Variants in ROBO2 observed in about 807,000 individuals in gnomAD.
ROBO2 encodes the protein roundabout homolog 2.
In ROBO2, 53 loss-of-function variants were observed where a neutral mutation model predicts 160.8. The observed-to-expected ratio is 0.33, with a 90% CI of 0.26 to 0.41. The LOEUF (loss-of-function observed/expected upper bound fraction) is 0.41. ROBO2 is among the 10% of genes least tolerant of loss of function. The probability of loss-of-function intolerance (pLI) is 1.00; values close to 1 mark genes in which losing one functional copy is unlikely to be tolerated. For missense variants in ROBO2, 1,577 were observed against 1,722.4 expected, an observed-to-expected ratio of 0.92 and a Z score of 1.49; for synonymous variants, 664 against 611.7, an observed-to-expected ratio of 1.09 and a Z score of -1.26.
At chr3:76,263,962 C>T (rs976703369) in intron 2 of ROBO2, among the ~76,000 whole-genome samples, 2 of 152,094 alleles carry the variant, frequency 1.3e-5, no homozygotes, top group African/African-American at 2.4e-5. Context: ...AGCAAACTAA[C>T]ATAGGAACAG....
intron 2 of ROBO2, among the ~76,000 whole-genome samples, chr3:77,311,968 C>T (rs779029545): frequency 2.7e-4 from 41 of 152,024 alleles, no homozygotes; most frequent in Non-Finnish European, 2.9e-4. Flanking sequence ...TACCTGTAAT[C>T]CCAGCTACTG....
intron 2 of ROBO2, among the ~76,000 whole-genome samples, chr3:76,665,198 A>G (rs1005540595): frequency 6.6e-6 from 1 of 152,128 alleles, no homozygotes; most frequent in East Asian, 1.9e-4. Flanking sequence ...CTATATTCAT[A>G]CCTCCATTTC....
chr3:76,827,361 G>C (rs1306498952), intron 2 of ROBO2, among the ~76,000 whole-genome samples: 1 of 152,084 alleles, frequency 6.6e-6, no homozygotes, highest in Non-Finnish European at 1.5e-5. Context: ...TATTTGAAAA[G>C]TTAGTATATA....
At chr3:76,125,618 T>C (rs1443904558) in intron 2 of ROBO2, among the ~76,000 whole-genome samples, 1 of 152,066 alleles carries the variant, frequency 6.6e-6, no homozygotes, top group Non-Finnish European at 1.5e-5. Context: ...CATTTTTTTT[T>C]CACATGTTTG....
chr3:76,733,622 A>G (rs1377679936), intron 2 of ROBO2, among the ~76,000 whole-genome samples: 6 of 152,264 alleles, frequency 3.9e-5, no homozygotes, highest in Non-Finnish European at 1.5e-5. Context: ...AGCTTAAATT[A>G]ACAGGCCCAA....
At chr3:77,640,267 A>G (rs2095331076) in intron 24 of ROBO2, among the ~76,000 whole-genome samples, 1 of 151,916 alleles carries the variant, frequency 6.6e-6, no homozygotes, top group Admixed American at 6.5e-5. Context: ...GCCCGCCACC[A>G]CACTCGGGTA....
chr3:76,192,524 CCACACA>C (rs3039244), intron 2 of ROBO2, among the ~76,000 whole-genome samples: 9,832 of 130,048 alleles, frequency 0.076, 455 homozygotes, highest in African/African-American at 0.13. Context: ...CAACACTCCA[CCACACA>C]CACACACACA....
At chr3:76,891,675 C>T in intron 2 of ROBO2, among the ~76,000 whole-genome samples, 1 of 152,256 alleles carries the variant, frequency 6.6e-6, no homozygotes, top group East Asian at 1.9e-4. Flanking sequence ...CTTCAGAAAA[C>T]TCACATGAAT....
At chr3:76,497,709 A>G (rs1470882319) in intron 2 of ROBO2, among the ~76,000 whole-genome samples, 1 of 152,202 alleles carries the variant, frequency 6.6e-6, no homozygotes, top group Non-Finnish European at 1.5e-5. Flanking sequence ...ACTCTCTATA[A>G]TATGGGTGGG....
At chr3:76,121,724 C>T (rs1366369717) in intron 2 of ROBO2, among the ~76,000 whole-genome samples, 1 of 152,098 alleles carries the variant, frequency 6.6e-6, no homozygotes, top group Non-Finnish European at 1.5e-5. Flanking sequence ...TTTTTATCCA[C>T]CTATAATTCA....
chr3:76,849,902 C>T (rs1056209193), intron 2 of ROBO2, among the ~76,000 whole-genome samples: 1 of 152,130 alleles, frequency 6.6e-6, no homozygotes, highest in Non-Finnish European at 1.5e-5. Flanking sequence ...AAAGTTATTT[C>T]TAGGCTGGGT....
chr3:77,207,800 A>T (rs552511850), intron 2 of ROBO2, among the ~76,000 whole-genome samples: 1 of 152,166 alleles, frequency 6.6e-6, no homozygotes, highest in South Asian at 2.1e-4. Context: ...ACTGCATCTG[A>T]GTTTAAACCT....
intron 2 of ROBO2, among the ~76,000 whole-genome samples, chr3:76,178,202 TTGGAAATC>T (rs2073298692): frequency 6.6e-6 from 1 of 152,148 alleles, no homozygotes. Context: ...ATATTCACAC[TTGGAAATC>T]TGACTTTGAT....
At chr3:76,225,724 A>G (rs1344443633) in intron 2 of ROBO2, among the ~76,000 whole-genome samples, 1 of 152,108 alleles carries the variant, frequency 6.6e-6, no homozygotes, top group African/African-American at 2.4e-5. Flanking sequence ...CAAAAATAGA[A>G]CAATAAAATA....
At chr3:76,544,258 C>T (rs1004580689) in intron 2 of ROBO2, among the ~76,000 whole-genome samples, 1 of 151,960 alleles carries the variant, frequency 6.6e-6, no homozygotes, top group African/African-American at 2.4e-5. Context: ...TAAATAAGTT[C>T]TTACTAACAG....
At chr3:75,951,264 G>A (rs1297516358) in intron 2 of ROBO2, among the ~76,000 whole-genome samples, 2 of 151,706 alleles carry the variant, frequency 1.3e-5, no homozygotes, top group African/African-American at 2.4e-5. Flanking sequence ...GTCCTTTTTT[G>A]GCATAACAAA....
intron 2 of ROBO2, among the ~76,000 whole-genome samples, chr3:76,747,505 G>A (rs2093913380): frequency 6.6e-6 from 1 of 151,976 alleles, no homozygotes; most frequent in African/African-American, 2.4e-5. Context: ...TTAATATCAT[G>A]ACTTAGAGAA....
intron 2 of ROBO2, among the ~76,000 whole-genome samples, chr3:76,063,120 A>G (rs1002802932): frequency 3.3e-5 from 5 of 152,184 alleles, no homozygotes; most frequent in Admixed American, 2.0e-4. Flanking sequence ...TACTTAACCT[A>G]TGTTTATGCA....
At chr3:77,354,481 A>G (rs1047562549) in intron 2 of ROBO2, among the ~76,000 whole-genome samples, 10 of 152,144 alleles carry the variant, frequency 6.6e-5, no homozygotes, top group Admixed American at 3.3e-4. Context: ...AGTGTAAACA[A>G]CCAAATTGCC....
Sources: allele counts gnomAD v4.1 joint callset (sites outside exome capture counted in the v4.1 genomes callset), GRCh38; gene constraint gnomAD v4.1.1; transcripts MANE v1.5; gene names NCBI Gene and HGNC (gene_info 2026-07-23, HGNC 2026-07-21).